The following GRK5 variants were observed in gnomAD, a reference collection of about 807,000 sequenced individuals.
GRK5 encodes the protein G protein-coupled receptor kinase 5.
In GRK5, 40 loss-of-function variants were observed where a neutral mutation model predicts 78.4. The observed-to-expected ratio is 0.51, with a 90% confidence interval of 0.40 to 0.66. The LOEUF is 0.66. Among genes scored for constraint, GRK5 ranks in the 30% least tolerant of loss-of-function variants. GRK5 has a pLI of 0.00. For synonymous variants in GRK5, 289 were observed against 296.8 expected, an observed-to-expected ratio of 0.97 and a Z score of 0.27; for missense variants, 598 against 759.9, an observed-to-expected ratio of 0.79 and a Z score of 2.50.
intron 1 of GRK5, among the ~76,000 whole-genome samples, chr10:119,236,360 C>T (rs999519635): frequency 2.0e-5 from 3 of 151,606 alleles, no homozygotes; most frequent in Admixed American, 6.6e-5. Flanking sequence ...GGACTACAGG[C>T]GCCCGCACCT....
intron 2 of GRK5, among the ~76,000 whole-genome samples, chr10:119,332,414 G>A (rs1850797472): frequency 6.6e-6 from 1 of 152,158 alleles, no homozygotes; most frequent in East Asian, 1.9e-4. Flanking sequence ...GCCAGCTATT[G>A]TAATTTTGAA....
intron 2 of GRK5, among the ~76,000 whole-genome samples, chr10:119,337,576 T>A (rs1850912390): frequency 6.6e-6 from 1 of 152,176 alleles, no homozygotes; most frequent in African/African-American, 2.4e-5. Flanking sequence ...CTTCACTCGG[T>A]CTTCTACCTG....
In GRK5 at chr10:119,260,719, G is replaced by A. The variant is rs546627876; in HGVS notation, c.52+52750G>A. On this transcript the variant is annotated intron_variant, in intron 1 of 15. Coordinates refer to ENST00000392870, the MANE Select transcript of GRK5 (RefSeq NM_005308.3). ...ACATGTTTCAGAGAGCACAGGGTTG[G>A]GGGTAAGGTCACAGATCAACAGGAT... 1.5e-4 allele frequency among the ~76,000 whole-genome samples: 23 copies of A among 151,130 alleles called. No individual in the cohort carries two copies. In the East Asian group the frequency reaches 4.3e-3, roughly 28 times the overall value.
At chr10:119,420,221 T>C (rs970695233) in intron 4 of GRK5, among the ~76,000 whole-genome samples, 5 of 152,214 alleles carry the variant, frequency 3.3e-5, no homozygotes, top group African/African-American at 1.2e-4. Flanking sequence ...GCCCAGGACC[T>C]AACTAGAGTT....
chr10:119,359,025 T>C (rs1444270316), intron 2 of GRK5, among the ~76,000 whole-genome samples: 1 of 152,090 alleles, frequency 6.6e-6, no homozygotes, highest in Non-Finnish European at 1.5e-5. Context: ...CCCCCAAATA[T>C]AGTCACATTG....
chr10:119,440,801 T>C (rs1853017183), intron 10 of GRK5, among the ~76,000 whole-genome samples: 1 of 152,194 alleles, frequency 6.6e-6, no homozygotes, highest in Non-Finnish European at 1.5e-5. Context: ...TCTGCCCTCC[T>C]TGGCCTCCCT....
At chr10:119,332,948 A>G (rs1850808026) in intron 2 of GRK5, among the ~76,000 whole-genome samples, 1 of 152,128 alleles carries the variant, frequency 6.6e-6, no homozygotes, top group Non-Finnish European at 1.5e-5. Flanking sequence ...TGTTTATTTA[A>G]TGTTCTTACC....
At position 119,445,333 on chromosome 10, in the gene GRK5, C is replaced by G. The variant is rs1853122061; in HGVS notation, c.1266+1581C>G. On this transcript the variant is annotated intron_variant, in intron 12 of 15. Coordinates refer to ENST00000392870, the MANE Select transcript of GRK5 (RefSeq NM_005308.3). This position sits in a 1 kb window ranked among gnomAD's most constrained non-coding sequence, Gnocchi z 4.1. ...CAGAGCATCACCAAATGTCCCAGGTCAGGGCCAGGCAATCAGAGAAGCAGG... is the reference window on the plus strand; with the variant it reads ...CAGAGCATCACCAAATGTCCCAGGTGAGGGCCAGGCAATCAGAGAAGCAGG... Among the ~76,000 whole-genome samples the G allele has an allele frequency of 1.3e-5, 2 of 152,218 alleles. No individual in the cohort carries two copies. Among genetic ancestry groups the G allele is most frequent in the East Asian group, 3.9e-4 (2 of 5,168 alleles).
At chr10:119,453,902 T>C (rs1853346837) in intron 15 of GRK5, among the ~76,000 whole-genome samples, 1 of 152,114 alleles carries the variant, frequency 6.6e-6, no homozygotes, top group Non-Finnish European at 1.5e-5. Flanking sequence ...AGCCTGGCCC[T>C]GGGTAAGGGT....
At chr10:119,330,936 G>A (rs1021069351) in intron 2 of GRK5, among the ~76,000 whole-genome samples, 2 of 152,138 alleles carry the variant, frequency 1.3e-5, no homozygotes, top group South Asian at 2.1e-4. Flanking sequence ...CAGGAAAATC[G>A]CTTCAACTTG....
chr10:119,389,801 AACACACACACACAC>A (rs66652162), intron 3 of GRK5, among the ~76,000 whole-genome samples: 86 of 149,262 alleles, frequency 5.8e-4, no homozygotes, highest in Middle Eastern at 3.5e-3. Context: ...GATCATGAGC[AACACACACACACAC>A]ACACACACAC....
intron 2 of GRK5, among the ~76,000 whole-genome samples, chr10:119,359,658 A>G (rs892316920): frequency 6.6e-6 from 1 of 152,220 alleles, no homozygotes; most frequent in African/African-American, 2.4e-5. Flanking sequence ...TTGGGACTGC[A>G]TCTCACACAG....
intron 1 of GRK5, among the ~76,000 whole-genome samples, chr10:119,260,313 T>C (rs1020591998): frequency 2.0e-5 from 3 of 151,420 alleles, no homozygotes; most frequent in Non-Finnish European, 4.4e-5. Flanking sequence ...GTCAGTTTTT[T>C]AAAAAGCCAA....
At chr10:119,265,402 G>T (rs1849477799) in intron 1 of GRK5, among the ~76,000 whole-genome samples, 1 of 152,186 alleles carries the variant, frequency 6.6e-6, no homozygotes, top group East Asian at 1.9e-4. Flanking sequence ...CTAACCCCCA[G>T]TGTGAGGTGG....
intron 9 of GRK5, among the ~76,000 whole-genome samples, chr10:119,439,063 A>G (rs1206381825): frequency 6.6e-6 from 1 of 152,244 alleles, no homozygotes; most frequent in African/African-American, 2.4e-5. Flanking sequence ...TCTTTTACCC[A>G]TAGAGAAGAC....
At chr10:119,268,053 T>C (rs142357668) in intron 1 of GRK5, among the ~76,000 whole-genome samples, 3 of 152,258 alleles carry the variant, frequency 2.0e-5, no homozygotes, top group African/African-American at 7.2e-5. Context: ...GCAGGGTGTG[T>C]CACTAAATGG....
chr10:119,406,597 T>C, intron 4 of GRK5: 1 of 425,104 alleles, frequency 2.4e-6, no homozygotes, highest in Non-Finnish European at 3.2e-6. Flanking sequence ...CAGGTCATCC[T>C]GTTGTCAATT....
At chr10:119,371,626 T>C (rs554103400) in intron 2 of GRK5, among the ~76,000 whole-genome samples, 164 of 151,626 alleles carry the variant, frequency 1.1e-3, no homozygotes, top group Middle Eastern at 6.8e-3. Flanking sequence ...GGCATGGCCC[T>C]GCCCTGCCCT....
rs1852794035 is a variant in GRK5 at position 119,430,524 on chromosome 10, C to T, written c.597+86C>T. 8.0e-7 allele frequency: 1 copy of T among 1,253,532 alleles called. No individual in the cohort carries two copies. Among genetic ancestry groups the T allele is most frequent in the African/African-American group, 1.5e-5 (1 of 66,414 alleles). The allele number at this position is 1,253,532 out of a possible 1,614,324, so 77.7% of individuals were successfully genotyped here. On this transcript the variant is annotated intron_variant, in intron 7 of 15. Transcript: ENST00000392870. This position sits in a 1 kb window ranked among gnomAD's most constrained non-coding sequence, Gnocchi z 4.5. ...CTTCTAAATCAACCTAAAGGGTTGGCCCACGGGTCCCCCGGGGGCACCAGT... is the reference window on the plus strand; with the variant it reads ...CTTCTAAATCAACCTAAAGGGTTGGTCCACGGGTCCCCCGGGGGCACCAGT...
Sources: allele counts gnomAD v4.1 joint callset (sites outside exome capture counted in the v4.1 genomes callset), GRCh38; gene constraint gnomAD v4.1.1; non-coding constraint Gnocchi (gnomAD v3.1); transcripts MANE v1.5; gene names NCBI Gene and HGNC (gene_info 2026-07-23, HGNC 2026-07-21).